The following HCRTR2 variants were observed in gnomAD, a reference collection of about 807,000 sequenced individuals.
HCRTR2 encodes the protein orexin receptor type 2.
Under a neutral mutation model 49.0 loss-of-function variants are expected in HCRTR2, and 22 were observed. That is an observed-to-expected ratio of 0.45 (90% CI 0.32 to 0.64). HCRTR2 has a LOEUF of 0.64. HCRTR2 is among the 30% of genes least tolerant of loss of function. HCRTR2 has a pLI of 0.04. For synonymous variants in HCRTR2, 236 were observed against 205.3 expected, an observed-to-expected ratio of 1.15 and a Z score of -1.28; for missense variants, 491 against 559.4, an observed-to-expected ratio of 0.88 and a Z score of 1.23.
intron 1 of HCRTR2, among the ~76,000 whole-genome samples, chr6:55,185,453 A>G (rs1048510675): frequency 6.6e-6 from 1 of 152,218 alleles, no homozygotes; most frequent in Non-Finnish European, 1.5e-5. Context: ...AAGCCAAATC[A>G]TCTTAGAGAA....
intron 4 of HCRTR2, among the ~76,000 whole-genome samples, chr6:55,274,029 T>TAG (rs1767025431): frequency 6.6e-6 from 1 of 151,750 alleles, no homozygotes; most frequent in Non-Finnish European, 1.5e-5. Flanking sequence ...TTCCAGGTCT[T>TAG]TTGCACTTTC....
chr6:55,201,541 T>C (rs1765513277), intron 1 of HCRTR2, among the ~76,000 whole-genome samples: 1 of 152,160 alleles, frequency 6.6e-6, no homozygotes, highest in African/African-American at 2.4e-5. Context: ...TTTTTTCTGG[T>C]GATTCTTTTT....
intron 1 of HCRTR2, among the ~76,000 whole-genome samples, chr6:55,115,795 A>G (rs1764107941): frequency 6.6e-6 from 1 of 151,600 alleles, no homozygotes; most frequent in Non-Finnish European, 1.5e-5. Context: ...AAGATGAAAC[A>G]TAAATAATAC....
intron 1 of HCRTR2, among the ~76,000 whole-genome samples, chr6:55,147,699 G>A (rs1327862641): frequency 6.6e-6 from 1 of 152,096 alleles, no homozygotes; most frequent in East Asian, 1.9e-4. Context: ...TCTTTTTAAT[G>A]TAGTGTCCCT....
intron 1 of HCRTR2, among the ~76,000 whole-genome samples, chr6:55,232,643 C>T (rs1766137559): frequency 6.6e-6 from 1 of 152,258 alleles, no homozygotes; most frequent in South Asian, 2.1e-4. Context: ...ACAAAGATCA[C>T]TTGTGAAGAA....
intron 1 of HCRTR2, among the ~76,000 whole-genome samples, 184 bp downstream of exon 1, chr6:55,174,994 C>A (rs936204356): frequency 3.9e-5 from 6 of 152,196 alleles, no homozygotes; most frequent in African/African-American, 1.2e-4. Context: ...GAACCGGGAC[C>A]GAGCCCTGGA....
intron 1 of HCRTR2, among the ~76,000 whole-genome samples, chr6:55,199,884 G>A (rs1033426671): frequency 1.3e-5 from 2 of 152,126 alleles, no homozygotes; most frequent in African/African-American, 2.4e-5. Context: ...ATTCATCACA[G>A]GTTTATTCAC....
At chr6:55,134,568 C>G (rs1764408361) in intron 1 of HCRTR2, among the ~76,000 whole-genome samples, 1 of 151,794 alleles carries the variant, frequency 6.6e-6, no homozygotes, top group South Asian at 2.1e-4. Flanking sequence ...ATTAGATCCC[C>G]AGATCTTATT....
chr6:55,282,352 C>T lies in HCRTR2; in HGVS notation c.1233C>T (p.Ile411=). The change falls in exon 7 of 7, where the codon ATC becomes ATT. Residue 411 remains isoleucine (I), a synonymous_variant. Transcript: ENST00000370862. The part of the protein sequence containing the change: ...TESRKSLTTQ[I]SNFDNISKLS... ...GCCGGAAGTCCTTGACCACTCAAAT[C>T]AGCAACTTTGATAACATATCAAAAC... 6.2e-7 allele frequency: 1 copy of T among 1,613,490 alleles called. No individual in the cohort carries two copies. Among genetic ancestry groups the T allele is most frequent in the Non-Finnish European group, 8.5e-7 (1 of 1,179,554 alleles).
At chr6:55,226,880 G>A (rs1189995297) in intron 1 of HCRTR2, among the ~76,000 whole-genome samples, 8 of 151,686 alleles carry the variant, frequency 5.3e-5, no homozygotes, top group South Asian at 4.2e-4. Context: ...CACCACGCCC[G>A]GCTAATTGTG....
intron 1 of HCRTR2, among the ~76,000 whole-genome samples, chr6:55,130,443 T>A (rs935753244): frequency 1.3e-5 from 2 of 151,636 alleles, no homozygotes; most frequent in African/African-American, 4.8e-5. Context: ...CCAGTTTCTA[T>A]AAATTTCATC....
intron 3 of HCRTR2, among the ~76,000 whole-genome samples, chr6:55,261,242 G>C (rs1474361360): frequency 6.6e-6 from 1 of 151,848 alleles, no homozygotes; most frequent in Non-Finnish European, 1.5e-5. Context: ...AAATCAGGAA[G>C]AAAAAATGCA....
chr6:55,174,391 A>G (rs1013081685), upstream of HCRTR2: 1 of 626,674 alleles, frequency 1.6e-6, no homozygotes, highest in Admixed American at 2.3e-5. Flanking sequence ...CATCGCCTGT[A>G]AAGACAGCAA....
At chr6:55,222,329 G>A (rs930155906) in intron 1 of HCRTR2, among the ~76,000 whole-genome samples, 1 of 151,380 alleles carries the variant, frequency 6.6e-6, no homozygotes, top group East Asian at 1.9e-4. Flanking sequence ...TGTTGAAAGG[G>A]ATGTGGAGAA....
intron 1 of HCRTR2, among the ~76,000 whole-genome samples, chr6:55,151,877 C>T (rs978288648): frequency 2.6e-5 from 4 of 151,878 alleles, no homozygotes; most frequent in African/African-American, 9.7e-5. Flanking sequence ...ATGAAAACTA[C>T]ATTAATCTCC....
intron 1 of HCRTR2, among the ~76,000 whole-genome samples, chr6:55,138,840 C>A (rs1386918895): frequency 6.6e-6 from 1 of 152,142 alleles, no homozygotes; most frequent in Non-Finnish European, 1.5e-5. Context: ...TTCATTTATT[C>A]ATTTAACATA....
At chr6:55,177,610 A>G (rs572171501) in intron 1 of HCRTR2, among the ~76,000 whole-genome samples, 1 of 152,330 alleles carries the variant, frequency 6.6e-6, no homozygotes, top group South Asian at 2.1e-4. Flanking sequence ...TTGTACTTTC[A>G]TATAACTGCT....
At chr6:55,255,990 C>G (rs1216704965) in intron 3 of HCRTR2, among the ~76,000 whole-genome samples, 2 of 152,146 alleles carry the variant, frequency 1.3e-5, no homozygotes, top group African/African-American at 4.8e-5. Context: ...TCCCATCTGA[C>G]AAGTATGATG....
At chr6:55,167,646 G>A (rs1017449005) in intron 1 of HCRTR2, among the ~76,000 whole-genome samples, 2 of 152,046 alleles carry the variant, frequency 1.3e-5, no homozygotes, top group African/African-American at 2.4e-5. Flanking sequence ...ACTGATGTTT[G>A]AAAATACACA....
Sources: gnomAD v4.1 joint callset for allele counts (sites outside exome capture counted in the v4.1 genomes callset) on GRCh38, gnomAD v4.1.1 for gene constraint, MANE v1.5 for transcripts, NCBI Gene and HGNC (gene_info 2026-07-23, HGNC 2026-07-21) for gene names.